Variants in PDGFD observed in about 807,000 individuals in gnomAD.
PDGFD encodes the protein platelet-derived growth factor D.
Under a neutral mutation model 44.7 loss-of-function variants are expected in PDGFD, and 30 were observed. The ratio of observed to expected loss-of-function variants is 0.67; its 90% confidence interval spans 0.50 to 0.91. The LOEUF (loss-of-function observed/expected upper bound fraction) is 0.91, where lower values mean the gene tolerates loss of function less well. PDGFD is among the 40% of genes least tolerant of loss of function. The pLI is 0.00. For missense variants in PDGFD, 445 were observed against 457.8 expected (o/e 0.97, Z 0.25); for synonymous variants, 173 against 168.4 (o/e 1.03, Z -0.21).
At position 104,141,675 on chromosome 11, in the gene PDGFD, T is replaced by G. The variant is rs560450676; in HGVS notation, c.124+22129A>C. ...ATCCATGTGAGCCCTAAATGCAATC[T>G]CACATGTCCCTATATGAGTGAAGCT... On this transcript the variant is annotated intron_variant, in intron 1 of 6. Transcript: ENST00000393158. 3.9e-5 allele frequency among the ~76,000 whole-genome samples: 6 copies of G among 152,174 alleles called. No homozygotes were observed. In the East Asian group the frequency reaches 1.2e-3, roughly 29 times the overall value.
At chr11:103,914,299 C>T (rs1858079067) in intron 6 of PDGFD, among the ~76,000 whole-genome samples, 1 of 152,174 alleles carries the variant, frequency 6.6e-6, no homozygotes, top group Non-Finnish European at 1.5e-5. Context: ...AAACAGTTTG[C>T]TGTTTGATCA....
At chr11:104,130,636 T>C (rs934653749) in intron 1 of PDGFD, among the ~76,000 whole-genome samples, 1 of 152,186 alleles carries the variant, frequency 6.6e-6, no homozygotes, top group Non-Finnish European at 1.5e-5. Flanking sequence ...ACCATGTGTG[T>C]TCACCTTCAA....
chr11:103,923,118 T>C (rs909963821), intron 6 of PDGFD, among the ~76,000 whole-genome samples: 1 of 152,228 alleles, frequency 6.6e-6, no homozygotes, highest in South Asian at 2.1e-4. Flanking sequence ...GAGTACACTT[T>C]TCCTTTGTTA....
chr11:103,938,583 C>T (rs1257733259), intron 5 of PDGFD, among the ~76,000 whole-genome samples: 1 of 152,076 alleles, frequency 6.6e-6, no homozygotes, highest in Non-Finnish European at 1.5e-5. Context: ...TCAATTTTGG[C>T]TTTTGTTGCC....
intron 1 of PDGFD, chr11:104,037,696 G>C (rs779169739): frequency 3.7e-6 from 6 of 1,613,988 alleles, no homozygotes; most frequent in East Asian, 4.5e-5. Flanking sequence ...GGTTGCTAAA[G>C]GAGTGGGCAC....
At chr11:103,922,230 T>A (rs1407932795) in intron 6 of PDGFD, among the ~76,000 whole-genome samples, 1 of 152,210 alleles carries the variant, frequency 6.6e-6, no homozygotes, top group African/African-American at 2.4e-5. Flanking sequence ...TTATACACTA[T>A]CAAGAGAAGA....
At chr11:103,998,000 C>A (rs1352473157) in intron 2 of PDGFD, among the ~76,000 whole-genome samples, 1 of 152,122 alleles carries the variant, frequency 6.6e-6, no homozygotes, top group Non-Finnish European at 1.5e-5. Context: ...CCTCACTGTT[C>A]CTCCCTTAAT....
intron 1 of PDGFD, chr11:104,036,803 G>T (rs1231059478): frequency 6.2e-7 from 1 of 1,602,630 alleles, no homozygotes; most frequent in South Asian, 1.1e-5. Context: ...CTGCTAGCCC[G>T]GCCCGCCCGG....
intron 1 of PDGFD, among the ~76,000 whole-genome samples, chr11:104,157,797 A>C (rs1335999806): frequency 6.6e-6 from 1 of 152,230 alleles, no homozygotes; most frequent in East Asian, 1.9e-4. Flanking sequence ...TTAAGTGTTA[A>C]GTGTTATCAT....
At chr11:103,997,990 C>T (rs1461020677) in intron 2 of PDGFD, among the ~76,000 whole-genome samples, 1 of 152,136 alleles carries the variant, frequency 6.6e-6, no homozygotes, top group Non-Finnish European at 1.5e-5. Flanking sequence ...AGGAAACCAT[C>T]CTCACTGTTC....
chr11:103,939,084 C>T (rs533877932), intron 5 of PDGFD, among the ~76,000 whole-genome samples: 18 of 152,144 alleles, frequency 1.2e-4, no homozygotes, highest in African/African-American at 4.3e-4. Context: ...TTTTCCAATT[C>T]TGTGAAGAAA....
At chr11:103,909,898 T>A (rs1678324875) in intron 6 of PDGFD, 79 bp from the exon 7 acceptor site, 4 of 1,557,792 alleles carry the variant, frequency 2.6e-6, no homozygotes, top group Non-Finnish European at 2.6e-6. Context: ...ATTACCTTTT[T>A]GACAACTAGT....
intron 1 of PDGFD, among the ~76,000 whole-genome samples, chr11:104,057,518 C>T (rs562143304): frequency 6.6e-6 from 1 of 152,074 alleles, no homozygotes; most frequent in Admixed American, 6.5e-5. Context: ...AAAATGAGGA[C>T]TACTAGAGAG....
At chr11:103,910,992 C>T (rs1591071636) in intron 6 of PDGFD, among the ~76,000 whole-genome samples, 2 of 152,356 alleles carry the variant, frequency 1.3e-5, no homozygotes, top group Admixed American at 6.5e-5. Flanking sequence ...GCGGAGCCCA[C>T]CGCAGCTCAG....
At chr11:103,918,151 G>C (rs75216407) in intron 6 of PDGFD, among the ~76,000 whole-genome samples, 9,565 of 152,264 alleles carry the variant, frequency 0.063, 355 homozygotes, top group South Asian at 0.092. Flanking sequence ...AAGTTCTTTA[G>C]GGAGACAAAG....
rs545707456 is a variant in PDGFD, at chr11:103,907,790, G to A, written c.*1904C>T. ...AGGAAACTTGCAAAGCAGTTATGAA[G>A]AGGAAGAGCGTTCTTAATTATTAGT... On this transcript the variant is annotated 3_prime_UTR_variant, in exon 7 of 7. Coordinates refer to ENST00000393158, the MANE Select transcript of PDGFD (RefSeq NM_025208.5). 6.6e-6 allele frequency: 1 copy of A among 152,330 alleles called. No individual in the cohort carries two copies. Among genetic ancestry groups the A allele is most frequent in the East Asian group, 1.9e-4 (1 of 5,192 alleles). The allele number at this position is 152,330 out of a possible 1,614,324, so 9.4% of individuals were successfully genotyped here.
chr11:104,123,420 G>T (rs1248604580), intron 1 of PDGFD, among the ~76,000 whole-genome samples: 3 of 152,070 alleles, frequency 2.0e-5, no homozygotes, highest in Non-Finnish European at 4.4e-5. Flanking sequence ...CAAGGAAAAA[G>T]TTCTTGAAAT....
intron 1 of PDGFD, among the ~76,000 whole-genome samples, chr11:104,134,480 C>T (rs963760926): frequency 1.3e-5 from 2 of 152,106 alleles, no homozygotes; most frequent in Non-Finnish European, 2.9e-5. Context: ...TCAAGTCATA[C>T]AGCTTCAGAA....
chr11:104,158,818 A>C (rs1038857532), intron 1 of PDGFD, among the ~76,000 whole-genome samples: 1 of 151,862 alleles, frequency 6.6e-6, no homozygotes, highest in Non-Finnish European at 1.5e-5. Flanking sequence ...CATTGAATAC[A>C]TGAATAATAG....
Sources: gnomAD v4.1 joint callset for allele counts (sites outside exome capture counted in the v4.1 genomes callset) on GRCh38, gnomAD v4.1.1 for gene constraint, MANE v1.5 for transcripts, NCBI Gene and HGNC (gene_info 2026-07-23, HGNC 2026-07-21) for gene names.